The following C4orf50 variants were observed in gnomAD, a reference collection of about 807,000 sequenced individuals.
C4orf50 encodes the protein chromosome 4 open reading frame 50.
Under a neutral mutation model 77.2 loss-of-function variants are expected in C4orf50, and 80 were observed. That is an observed-to-expected ratio of 1.04 (90% CI 0.87 to 1.25). The LOEUF (loss-of-function observed/expected upper bound fraction) is 1.25. C4orf50 is among the 50% of genes most tolerant of loss of function. The probability of loss-of-function intolerance (pLI) is 0.00; values close to 1 mark genes in which losing one functional copy is unlikely to be tolerated. For missense variants in C4orf50, 1,257 were observed against 1,152.9 expected, an observed-to-expected ratio of 1.09 and a Z score of -1.31; for synonymous variants, 532 against 465.3, an observed-to-expected ratio of 1.14 and a Z score of -1.84.
intron 7 of C4orf50, among the ~76,000 whole-genome samples, chr4:5,940,230 A>T (rs1367017740): frequency 6.6e-6 from 1 of 152,246 alleles, no homozygotes; most frequent in Non-Finnish European, 1.5e-5. Context: ...TGCAGGCTGC[A>T]ATCCTTTATG....
chr4:5,900,501 A>G lies in C4orf50; in HGVS notation c.*2475-2313T>C, dbSNP rs530942072. The G allele has an allele frequency of 2.0e-5, 3 of 152,220 alleles. No individual in the cohort carries two copies. In the South Asian group the frequency reaches 6.2e-4, roughly 32 times the overall value. 9.4% of individuals were successfully genotyped at this position (152,220 alleles called of 1,614,324 possible). On this transcript the variant is annotated intron_variant, in intron 7 of 7. Coordinates refer to the C4orf50 transcript ENST00000324058. This position sits in a 1 kb window ranked among gnomAD's most constrained non-coding sequence, Gnocchi z 4.3. ...GGCTTCCCCAGGGCGAAATGCAGGCATGAATTCCACACAAAATGAAAGAAT... is the reference window on the plus strand; with the variant it reads ...GGCTTCCCCAGGGCGAAATGCAGGCGTGAATTCCACACAAAATGAAAGAAT...
At chr4:5,994,091 C>T (rs923298941) in intron 26 of C4orf50, among the ~76,000 whole-genome samples, 11 of 152,236 alleles carry the variant, frequency 7.2e-5, no homozygotes, top group Non-Finnish European at 7.4e-5. Context: ...CTCCCGAGGG[C>T]CAAGGGTGTG....
At chr4:5,972,725 GAAAACAGCCCCGGCTGT>G (rs1385106261) in intron 31 of C4orf50, among the ~76,000 whole-genome samples, 1 of 152,242 alleles carries the variant, frequency 6.6e-6, no homozygotes, top group Non-Finnish European at 1.5e-5. Context: ...AGGGACCATG[GAAAACAGCCCCGGCTGT>G]GTTTACCGTG....
At chr4:5,975,289 G>A (rs549947411) in intron 30 of C4orf50, among the ~76,000 whole-genome samples, 47 of 151,968 alleles carry the variant, frequency 3.1e-4, no homozygotes, top group African/African-American at 1.1e-3. Flanking sequence ...AAGGCCTCTC[G>A]TGCTTCACCC....
intron 33 of C4orf50, 115 bp downstream of exon 11, chr4:5,964,909 A>T: frequency 1.5e-5 from 13 of 866,892 alleles, no homozygotes; most frequent in East Asian, 5.6e-5. Flanking sequence ...CTATTTCTTG[A>T]CCTGGTGGTG....
At chr4:5,923,644 TG>T (rs1490517208) in intron 7 of C4orf50, among the ~76,000 whole-genome samples, 1 of 152,156 alleles carries the variant, frequency 6.6e-6, no homozygotes, top group Non-Finnish European at 1.5e-5. Context: ...GTAGGGAATG[TG>T]GGAGGCTGTG....
rs144297061 is a variant in C4orf50, at chr4:6,009,517, T to C, written c.427-985A>G. Among the ~76,000 whole-genome samples the C allele has an allele frequency of 6.6e-6, 1 of 152,298 alleles. No individual in the cohort carries two copies. The highest frequency in any genetic ancestry group is 1.5e-5 in the Non-Finnish European group (1 of 68,026). The stretch of plus-strand genomic sequence containing the variant: ...AGGGTCAGATTCCCTGGGAGGACAA[T>C]TCTCCTGGTCTTCCTGAAGGCGTGT... On this transcript the variant is annotated intron_variant, in intron 24 of 33. Coordinates refer to ENST00000531445, the Ensembl canonical transcript of C4orf50. The surrounding 1 kb of genome is among the most constrained non-coding windows in gnomAD (Gnocchi z 5.6).
chr4:5,966,483 A>G (rs1186871250), intron 32 of C4orf50, among the ~76,000 whole-genome samples: 1 of 151,906 alleles, frequency 6.6e-6, no homozygotes, highest in Non-Finnish European at 1.5e-5. Context: ...TCAAAAATAA[A>G]TAAATAAATA....
chr4:5,913,591 A>G lies in C4orf50; in HGVS notation c.*2475-15403T>C, dbSNP rs1165559880. On this transcript the variant is annotated intron_variant, in intron 7 of 7. Transcript: ENST00000324058. ...TATCAAGATTCATTAGAGCCATTTCACTTTCGCTGTCCTTAACATTCCGGT... is the reference window on the plus strand; with the variant it reads ...TATCAAGATTCATTAGAGCCATTTCGCTTTCGCTGTCCTTAACATTCCGGT... Among the ~76,000 whole-genome samples, 3 of 152,322 alleles carry G rather than the reference A, an allele frequency of 2.0e-5. 1 individual carries two copies. Among genetic ancestry groups the G allele is most frequent in the East Asian group, 3.9e-4 (2 of 5,190 alleles).
intron 7 of C4orf50, among the ~76,000 whole-genome samples, chr4:5,951,773 TCG>T (rs1296987344): frequency 6.6e-6 from 1 of 152,134 alleles, no homozygotes; most frequent in Non-Finnish European, 1.5e-5. Context: ...TATAATGCGT[TCG>T]CTCTCCGTCC....
chr4:5,937,144 GA>G (rs988718755), intron 7 of C4orf50, among the ~76,000 whole-genome samples: 9 of 147,252 alleles, frequency 6.1e-5, no homozygotes, highest in Non-Finnish European at 9.0e-5. Context: ...AAACTCAAAA[GA>G]AAAAAAAATA....
chr4:5,936,507 A>G (rs1264800565), intron 7 of C4orf50, among the ~76,000 whole-genome samples: 2 of 143,204 alleles, frequency 1.4e-5, no homozygotes, highest in African/African-American at 2.6e-5. Flanking sequence ...GGCTGCAGTG[A>G]GCCGAGATCG....
At chr4:5,931,578 C>T (rs1185967349) in intron 7 of C4orf50, among the ~76,000 whole-genome samples, 1 of 152,138 alleles carries the variant, frequency 6.6e-6, no homozygotes, top group Non-Finnish European at 1.5e-5. Flanking sequence ...TCTAGACTGC[C>T]ATGTTTCCAC....
chr4:5,946,728 G>C (rs1208770348), intron 7 of C4orf50, among the ~76,000 whole-genome samples: 1 of 152,224 alleles, frequency 6.6e-6, no homozygotes, highest in Non-Finnish European at 1.5e-5. Flanking sequence ...GTGCGGTCTG[G>C]CTCCAGCCAA....
chr4:5,975,935 C>T (rs1720253680), exon 30 of C4orf50: 3 of 1,613,774 alleles, frequency 1.9e-6, no homozygotes, highest in Non-Finnish European at 1.7e-6. Context: ...CTTCATGTTG[C>T]TTTTTCTGAA....
At chr4:5,926,970 T>C (rs1717543870) in intron 7 of C4orf50, among the ~76,000 whole-genome samples, 2 of 152,240 alleles carry the variant, frequency 1.3e-5, no homozygotes, top group Non-Finnish European at 2.9e-5. Flanking sequence ...CCTGCTCTTA[T>C]GGTGCTTACT....
intron 7 of C4orf50, among the ~76,000 whole-genome samples, chr4:5,936,788 T>C (rs1394231180): frequency 6.6e-6 from 1 of 151,344 alleles, no homozygotes; most frequent in Non-Finnish European, 1.5e-5. Context: ...GAACCCCAGG[T>C]AGGATAGATA....
At chr4:5,920,869 G>A (rs990048473) in intron 7 of C4orf50, among the ~76,000 whole-genome samples, 2 of 152,226 alleles carry the variant, frequency 1.3e-5, no homozygotes, top group Non-Finnish European at 2.9e-5. Flanking sequence ...GCAAAGGTGT[G>A]CTGTGAGCTC....
chr4:5,952,265 T>C (rs144010298), downstream of C4orf50, among the ~76,000 whole-genome samples: 1 of 152,078 alleles, frequency 6.6e-6, no homozygotes, highest in Non-Finnish European at 1.5e-5. This position sits in a 1 kb window ranked among gnomAD's most constrained non-coding sequence, Gnocchi z 4.4. Context: ...GATAGATAGA[T>C]AATAGATAGA....
Sources: allele counts gnomAD v4.1 joint callset (sites outside exome capture counted in the v4.1 genomes callset), GRCh38; gene constraint gnomAD v4.1.1; non-coding constraint Gnocchi (gnomAD v3.1); transcripts MANE v1.5; gene names NCBI Gene and HGNC (gene_info 2026-07-23, HGNC 2026-07-21).